The following ST6GAL2 variants were observed in gnomAD, a reference collection of about 807,000 sequenced individuals.
The protein encoded by ST6GAL2 is ST6 beta-galactoside alpha-2,6-sialyltransferase 2.
A neutral mutation model predicts 37.5 loss-of-function variants in ST6GAL2; 24 were observed. That is an observed-to-expected ratio of 0.64 (90% CI 0.46 to 0.90). The LOEUF (loss-of-function observed/expected upper bound fraction) is 0.90. Among genes scored for constraint, ST6GAL2 ranks in the 40% least tolerant of loss-of-function variants. The pLI, the probability that ST6GAL2 is intolerant of heterozygous loss-of-function variation, is 0.00. For missense variants in ST6GAL2, 715 were observed against 712.7 expected, an observed-to-expected ratio of 1.00 and a Z score of -0.04; for synonymous variants, 306 against 295.1, an observed-to-expected ratio of 1.04 and a Z score of -0.38.
intron 5 of ST6GAL2, among the ~76,000 whole-genome samples, chr2:106,815,617 G>A (rs1468436983): frequency 1.3e-5 from 2 of 152,112 alleles, no homozygotes; most frequent in Non-Finnish European, 2.9e-5. Context: ...TACAATAACA[G>A]CAAATAGTAA....
At chr2:106,809,647 T>G (rs1010075944) in intron 5 of ST6GAL2, among the ~76,000 whole-genome samples, 2 of 152,214 alleles carry the variant, frequency 1.3e-5, no homozygotes, top group African/African-American at 4.8e-5. Context: ...TTGTCTTCAT[T>G]TCCAGAAATT....
intron 1 of ST6GAL2, among the ~76,000 whole-genome samples, chr2:106,861,691 C>G (rs566314015): frequency 6.6e-6 from 1 of 151,338 alleles, no homozygotes; most frequent in Non-Finnish European, 1.5e-5. Context: ...GTGCAGTGGC[C>G]GTGATCTCGG....
chr2:106,812,971 T>G, intron 5 of ST6GAL2: 1 of 1,089,270 alleles, frequency 9.2e-7, no homozygotes, highest in Non-Finnish European at 1.2e-6. Context: ...GTTTTACTGC[T>G]TTCAACATGA....
chr2:106,843,006 G>A (rs1192441245), intron 2 of ST6GAL2, 29 bp downstream of exon 2: 3 of 1,354,402 alleles, frequency 2.2e-6, no homozygotes, highest in Non-Finnish European at 2.9e-6. Flanking sequence ...CTCAAGACAG[G>A]GCGACCTGGT....
intron 1 of ST6GAL2, among the ~76,000 whole-genome samples, chr2:106,863,011 A>G (rs922423790): frequency 6.6e-6 from 1 of 151,904 alleles, no homozygotes; most frequent in Admixed American, 6.6e-5. Context: ...CTATTAGAAA[A>G]GCTAAAGAAC....
chr2:106,841,068 T>G lies in ST6GAL2; in HGVS notation c.943+1967A>C, dbSNP rs983430472. The G allele has an allele frequency of 2.0e-5, 3 of 152,216 alleles. No homozygotes were observed. The East Asian group carries it at 5.8e-4, about 29-fold the overall frequency. The allele number at this position is 152,216 out of a possible 1,614,324, so 9.4% of individuals were successfully genotyped here. ...TTATATGACACATGGACTGTGTTAT[T>G]ATGAGCCTGCTGTAATGTCAGCACA... is the stretch of plus-strand genomic sequence containing the variant. On this transcript the variant is annotated intron_variant, in intron 2 of 5. Coordinates refer to ENST00000409382, the MANE Select transcript of ST6GAL2 (RefSeq NM_001142351.2).
At chr2:106,838,603 G>C (rs1279271278) in intron 2 of ST6GAL2, among the ~76,000 whole-genome samples, 2 of 152,222 alleles carry the variant, frequency 1.3e-5, no homozygotes, top group African/African-American at 2.4e-5. Context: ...CTGAGAGCTA[G>C]TGTTTCTGGA....
At chr2:106,833,304 C>T (rs527457515) in intron 3 of ST6GAL2, among the ~76,000 whole-genome samples, 1 of 152,124 alleles carries the variant, frequency 6.6e-6, no homozygotes, top group Non-Finnish European at 1.5e-5. Context: ...TTACCTCCTC[C>T]TTTGTAAAAA....
intron 5 of ST6GAL2, among the ~76,000 whole-genome samples, chr2:106,816,730 C>A (rs1213742229): frequency 6.6e-6 from 1 of 152,188 alleles, no homozygotes; most frequent in African/African-American, 2.4e-5. Flanking sequence ...AAGTCAACAA[C>A]TATCCACACA....
intron 1 of ST6GAL2, among the ~76,000 whole-genome samples, chr2:106,845,757 C>A (rs1279596826): frequency 6.6e-6 from 1 of 152,058 alleles, no homozygotes; most frequent in African/African-American, 2.4e-5. Context: ...ATTCTGTGAC[C>A]CTCCACCCAG....
At chr2:106,849,887 A>T (rs186774225) in intron 1 of ST6GAL2, among the ~76,000 whole-genome samples, 4 of 152,164 alleles carry the variant, frequency 2.6e-5, no homozygotes, top group Non-Finnish European at 5.9e-5. Flanking sequence ...AAAATATCCC[A>T]CCACTTTAGG....
At chr2:106,872,697 G>GT (rs1678324750) in intron 1 of ST6GAL2, among the ~76,000 whole-genome samples, 2 of 112,734 alleles carry the variant, frequency 1.8e-5, no homozygotes, top group South Asian at 6.1e-4. Flanking sequence ...GCACTCCCGG[G>GT]TTCAAGAGGT....
intron 2 of ST6GAL2, among the ~76,000 whole-genome samples, chr2:106,840,353 T>G (rs970988256): frequency 6.6e-6 from 1 of 152,218 alleles, no homozygotes; most frequent in Non-Finnish European, 1.5e-5. Context: ...TTCATAACTA[T>G]GTGGGTTTGC....
At chr2:106,810,947 T>A (rs1199953976) in intron 5 of ST6GAL2, among the ~76,000 whole-genome samples, 1 of 121,568 alleles carries the variant, frequency 8.2e-6, no homozygotes, top group Non-Finnish European at 1.7e-5. Flanking sequence ...CAGAGTGGCA[T>A]CCTGTCAAAA....
chr2:106,810,502 G>T (rs1675562997), intron 5 of ST6GAL2, among the ~76,000 whole-genome samples: 1 of 152,122 alleles, frequency 6.6e-6, no homozygotes, highest in East Asian at 1.9e-4. Flanking sequence ...CTCATGAATT[G>T]GTGGCTTCCT....
chr2:106,868,324 A>G lies in ST6GAL2; in HGVS notation c.-58+17769T>C, dbSNP rs372614158. Among the ~76,000 whole-genome samples, 5 of 152,320 alleles carry G rather than the reference A, an allele frequency of 3.3e-5. No homozygotes were observed. In the East Asian group the frequency reaches 9.7e-4, roughly 29 times the overall value. On this transcript the variant is annotated intron_variant, in intron 1 of 5. Coordinates refer to ENST00000409382, the MANE Select transcript of ST6GAL2 (RefSeq NM_001142351.2). ...CTCATACAAATCCCCGGCAAGGTGC[A>G]GGGCCTGGAATTTGAGACTAAATCT...
At chr2:106,830,324 G>A (rs2104467177) in intron 4 of ST6GAL2, 84 bp from the exon 5 acceptor site, 1 of 1,137,646 alleles carries the variant, frequency 8.8e-7, no homozygotes, top group East Asian at 2.4e-5. Context: ...ATTTGAGGCA[G>A]AGGGGCCAGG....
intron 1 of ST6GAL2, among the ~76,000 whole-genome samples, chr2:106,881,726 T>C (rs990662176): frequency 2.6e-5 from 4 of 152,240 alleles, no homozygotes; most frequent in Non-Finnish European, 4.4e-5. Context: ...ACCAATTGTT[T>C]TAAATTTAAT....
rs1193641422 is a variant in ST6GAL2 at position 106,843,320 on chromosome 2, G to A, written c.658C>T (p.Arg220Cys). ...TAATCCTTCATCGCCTTCTGCAGGC[G>A]CGGGTTCAGCATTTTGGAAGAGACG... ...GNVSSKMLNPRLQKAMKDYLT... is the reference protein window; with the variant it reads ...GNVSSKMLNPCLQKAMKDYLT... The change falls in exon 2 of 6, where the codon CGC (arginine) becomes TGC (cysteine). Residue 220 changes from arginine to cysteine, a missense_variant. Arg to Cys is a radical substitution (Grantham distance 180, BLOSUM62 -3). Around this residue, in one of 3 missense-constraint regions of ST6GAL2, gnomAD observed 512 missense variants for 488.8 expected, o/e 1.05. Coordinates refer to ENST00000409382, the MANE Select transcript of ST6GAL2 (RefSeq NM_001142351.2). 6.2e-7 allele frequency: 1 copy of A among 1,613,894 alleles called. No homozygotes were observed. The highest frequency in any genetic ancestry group is 1.3e-5 in the African/African-American group (1 of 75,068).
Sources: allele counts gnomAD v4.1 joint callset (sites outside exome capture counted in the v4.1 genomes callset), GRCh38; gene constraint gnomAD v4.1.1; regional missense constraint gnomAD v4.1.1; transcripts MANE v1.5; gene names NCBI Gene and HGNC (gene_info 2026-07-23, HGNC 2026-07-21).